The following LILRB3 variants were observed in gnomAD, a reference collection of about 807,000 sequenced individuals.
LILRB3 encodes leukocyte immunoglobulin like receptor B3.
LILRB3 carries 32 observed loss-of-function variants against 68.2 expected under a neutral mutation model. That is an observed-to-expected ratio of 0.47 (90% confidence interval 0.35 to 0.63). LILRB3 has a LOEUF of 0.63. Among genes scored for constraint, LILRB3 ranks in the 30% least tolerant of loss-of-function variants. The probability of loss-of-function intolerance (pLI) is 0.00; values close to 1 mark genes in which losing one functional copy is unlikely to be tolerated. For synonymous variants in LILRB3, 185 were observed against 323.1 expected, an observed-to-expected ratio of 0.57 and a Z score of 4.58; for missense variants, 502 against 791.3, an observed-to-expected ratio of 0.63 and a Z score of 4.39.
intron 11 of LILRB3, 145 bp downstream of exon 11, chr19:54,218,216 C>G: frequency 8.7e-7 from 1 of 1,143,712 alleles, no homozygotes; most frequent in East Asian, 2.4e-5. Flanking sequence ...AGAGTGAGGT[C>G]ACAGCAGGCG....
exon 13 of LILRB3, chr19:54,216,754 G>C: frequency 1.6e-5 from 19 of 1,178,222 alleles, no homozygotes; most frequent in Non-Finnish European, 2.1e-5. Flanking sequence ...CACAGTCATA[G>C]CTCACTGCAG....
At chr19:54,218,076 G>A (rs567402838) in intron 11 of LILRB3, among the ~76,000 whole-genome samples, 1 of 109,418 alleles carries the variant, frequency 9.1e-6, no homozygotes, top group Non-Finnish European at 1.9e-5. Context: ...CCCAGGGGAC[G>A]GAGGTGGTTC....
chr19:54,219,960 C>T (rs4023903), intron 7 of LILRB3, 195 bp downstream of exon 7: 205,697 of 1,190,310 alleles, frequency 0.17, 50,669 homozygotes, highest in East Asian at 0.43. Context: ...GCTGTCTTGC[C>T]CCCCACATCA....
In LILRB3 at chr19:54,217,109, G is replaced by A. The variant is rs773601035; in HGVS notation, c.1880C>T (p.Thr627Ile). ...CCCCCCGGGCTAGTGGATGGCCAGA[G>A]TGGCGTAGATGCTGGGCTCAGCTGG... Residue 627 changes from threonine to isoleucine, a missense_variant, in exon 13 of 13, where the codon ACT (threonine) becomes ATT (isoleucine). Physicochemically the swap from Thr to Ile is moderately conservative, Grantham distance 89 (BLOSUM62 -1). Around this residue, in one of 8 missense-constraint regions of LILRB3, gnomAD observed 267 missense variants for 245.5 expected, o/e 1.09. Coordinates refer to ENST00000445347, the Ensembl canonical transcript of LILRB3. The A allele has an allele frequency of 1.2e-6, 2 of 1,614,206 alleles. No individual in the cohort carries two copies. Among genetic ancestry groups the A allele is most frequent in the East Asian group, 2.2e-5 (1 of 44,880 alleles).
At position 54,219,161 on chromosome 19, in the gene LILRB3, A is replaced by T. The variant is rs61734493; in HGVS notation, c.1394T>A (p.Leu465His). Residue 465 changes from leucine to histidine, a missense_variant, in exon 8 of 13, where the codon CTC (leucine) becomes CAC (histidine). By Grantham distance (99) the Leu-to-His change is moderately conservative. Transcript: ENST00000445347. ...CCTGTGTTTGCTGTGACGCTGACGG[A>T]GGAGGAGGAGGAAGAGGAGGAGGAA... 5.4e-5 allele frequency: 86 copies of T among 1,606,912 alleles called. 1 individual carries two copies. In the South Asian group the frequency reaches 6.8e-4, roughly 13 times the overall value.
chr19:54,216,465 A>G (rs1440764919), exon 13 of LILRB3: 9 of 232,088 alleles, frequency 3.9e-5, no homozygotes, highest in Non-Finnish European at 4.9e-5. Context: ...ACTCGCCACC[A>G]CGCCCGGCTA....
intron 11 of LILRB3, 193 bp from the exon 12 acceptor site, chr19:54,217,667 C>T: frequency 6.1e-6 from 6 of 979,982 alleles, no homozygotes; most frequent in Non-Finnish European, 8.9e-6. Flanking sequence ...TCTGACCTTG[C>T]CCATTTGGCT....
At chr19:54,222,859 A>C in intron 1 of LILRB3, 77 bp from the exon 2 acceptor site, 1 of 1,612,572 alleles carries the variant, frequency 6.2e-7, no homozygotes, top group Non-Finnish European at 8.5e-7. Flanking sequence ...TGAGCTTTTG[A>C]GGTCTCCTGA....
chr19:54,218,532 C>A, intron 10 of LILRB3, 113 bp downstream of exon 10: 2 of 1,602,600 alleles, frequency 1.2e-6, no homozygotes, highest in Non-Finnish European at 1.7e-6. Flanking sequence ...CAGTGTGGGG[C>A]AAGACCATCT....
chr19:54,218,613 G>C (rs2077730472), intron 10 of LILRB3, 32 bp downstream of exon 10: 1 of 1,614,030 alleles, frequency 6.2e-7, no homozygotes, highest in Non-Finnish European at 8.5e-7. Flanking sequence ...TGTCTCTCCA[G>C]CACCCCCATT....
chr19:54,218,498 G>A, intron 10 of LILRB3, 85 bp from the exon 11 acceptor site: 8 of 1,604,428 alleles, frequency 5.0e-6, no homozygotes, highest in South Asian at 2.2e-5. Context: ...CCCAGATGGG[G>A]CCACCGAATG....
chr19:54,219,157 A>ACGT, exon 8 of LILRB3: 2 of 1,605,306 alleles, frequency 1.2e-6, no homozygotes, highest in South Asian at 1.1e-5. Flanking sequence ...TGTGACGCTG[A>ACGT]CGGAGGAGGA....
exon 3 of LILRB3, chr19:54,222,401 T>G: frequency 6.2e-7 from 1 of 1,608,316 alleles, no homozygotes; most frequent in Non-Finnish European, 8.5e-7. Context: ...GCCTTGTTCT[T>G]GGGTTCCAGT....
intron 7 of LILRB3, 110 bp from the exon 8 acceptor site, chr19:54,219,355 C>G (rs752714246): frequency 1.4e-6 from 2 of 1,475,868 alleles, no homozygotes; most frequent in Non-Finnish European, 1.8e-6. Flanking sequence ...CACAAGCAGT[C>G]GTGCAACATG....
At chr19:54,219,347 C>T in intron 7 of LILRB3, 102 bp from the exon 8 acceptor site, 8 of 1,478,622 alleles carry the variant, frequency 5.4e-6, no homozygotes, top group Non-Finnish European at 7.3e-6. Flanking sequence ...CCAACCCTCA[C>T]AAGCAGTCGT....
In LILRB3 at chr19:54,222,959, T is replaced by C. The variant is rs1408678307; in HGVS notation, c.18A>G (p.Thr6=). 1.2e-5 allele frequency: 20 copies of C among 1,612,502 alleles called. No individual in the cohort carries two copies. In the Admixed American group the frequency reaches 2.0e-4, roughly 16 times the overall value. Residue 6 remains threonine (T), a synonymous_variant, in exon 1 of 13, where the codon ACA becomes ACG. Transcript: ENST00000445347. The stretch of plus-strand genomic sequence containing the variant: ...AAATCTCACCAAGGCAGAGCAGGGC[T>C]GTGAGGGCGGGCGTCATGGCGTCTC...
At position 54,220,508 on chromosome 19, in the gene LILRB3, G is replaced by T. The variant is rs765459269; in HGVS notation, c.1258+20C>A. The T allele has an allele frequency of 3.5e-5, 47 of 1,325,492 alleles. No individual in the cohort carries two copies. Among genetic ancestry groups the T allele is most frequent in the Admixed American group, 2.1e-4 (9 of 42,618 alleles). 82.1% of individuals were successfully genotyped at this position (1,325,492 alleles called of 1,614,324 possible). On this transcript the variant is annotated intron_variant, in intron 6 of 12. Coordinates refer to ENST00000445347, the Ensembl canonical transcript of LILRB3. Reference sequence around the variant, plus strand: ...GAGCTGAGCCTTTGAGCTCAGAGAGGACGGGGTCAGCGCCCTCACCTGAGA... The same window carrying T: ...GAGCTGAGCCTTTGAGCTCAGAGAGTACGGGGTCAGCGCCCTCACCTGAGA...
At position 54,220,226 on chromosome 19, in the gene LILRB3, G is replaced by C. The variant is rs1328018733; in HGVS notation, c.1259-21C>G. 27 of 1,384,822 alleles carry C rather than the reference G, an allele frequency of 1.9e-5. 1 individual carries two copies. Among genetic ancestry groups the C allele is most frequent in the Non-Finnish European group, 1.9e-6 (2 of 1,030,098 alleles). 85.8% of individuals were successfully genotyped at this position (1,384,822 alleles called of 1,614,324 possible). A position where few individuals can be genotyped will look rare whatever the true frequency, so the allele number is the denominator to read the frequency against. ...GTGTCCTGGAAGGAGCACGGGAGGC[G>C]GGTGAGGGGCGGGGGCCGTCCATGG... On this transcript the variant is annotated intron_variant, in intron 6 of 12. Coordinates refer to ENST00000445347, the Ensembl canonical transcript of LILRB3.
chr19:54,222,694 G>A, intron 2 of LILRB3, 53 bp downstream of exon 2: 1 of 1,612,454 alleles, frequency 6.2e-7, no homozygotes, highest in South Asian at 1.1e-5. Context: ...CCCATGGGTG[G>A]CCCCCTGTCC....
Sources: allele counts gnomAD v4.1 joint callset (sites outside exome capture counted in the v4.1 genomes callset), GRCh38; gene constraint gnomAD v4.1.1; regional missense constraint gnomAD v4.1.1; transcripts MANE v1.5; gene names NCBI Gene and HGNC (gene_info 2026-07-23, HGNC 2026-07-21).